ZBTB44: variants seen among roughly 807,000 people sequenced by gnomAD.
ZBTB44 encodes zinc finger and BTB domain-containing protein 44.
In ZBTB44, 15 loss-of-function variants were observed where a neutral mutation model predicts 54.0. The observed-to-expected ratio is 0.28, with a 90% CI of 0.19 to 0.43. The LOEUF is 0.43. Ranked by LOEUF, ZBTB44 falls within the 20% of genes least tolerant of loss-of-function variation. The pLI is 1.00. For missense variants in ZBTB44, 487 were observed against 707.1 expected (o/e 0.69, Z 3.53); for synonymous variants, 230 against 250.1 (o/e 0.92, Z 0.76).
intron 1 of ZBTB44, chr11:130,295,636 A>AG: frequency 2.0e-6 from 2 of 1,019,616 alleles, no homozygotes; most frequent in South Asian, 2.8e-5. Flanking sequence ...AAGTTAAAAA[A>AG]AAAAATGGGT....
chr11:130,256,833 G>C (rs1013859873), intron 2 of ZBTB44, among the ~76,000 whole-genome samples: 1 of 151,792 alleles, frequency 6.6e-6, no homozygotes, highest in African/African-American at 2.4e-5. Flanking sequence ...TTTGAAAACC[G>C]GCACAAGACA....
At chr11:130,285,290 CTTT>C (rs1217111966) in intron 1 of ZBTB44, 9 of 122,994 alleles carry the variant, frequency 7.3e-5, no homozygotes, top group South Asian at 2.8e-4. Context: ...TTCTTGTTTT[CTTT>C]TTTTTTTTTT....
chr11:130,240,347 A>T (rs537738941), intron 2 of ZBTB44, among the ~76,000 whole-genome samples: 1 of 152,058 alleles, frequency 6.6e-6, no homozygotes, highest in Non-Finnish European at 1.5e-5. Flanking sequence ...GCCGTGTTCT[A>T]TATTTTTAAA....
chr11:130,295,630 T>TC (rs1555176450), intron 1 of ZBTB44: 26 of 769,442 alleles, frequency 3.4e-5, no homozygotes, highest in Non-Finnish European at 3.2e-5. Context: ...ACTCTGAAGT[T>TC]AAAAAAAAAA....
chr11:130,307,308 C>A lies in ZBTB44; in HGVS notation c.-57+7067G>T, dbSNP rs938335881. ...GGCATGGTGGCAGGCACCTGTAGTC[C>A]CAGCTGCTTGGGAGGCTGAGGCAGG... On this transcript the variant is annotated intron_variant, in intron 1 of 7. Transcript: ENST00000357899. Among the ~76,000 whole-genome samples, 24 of 151,978 alleles carry A rather than the reference C, an allele frequency of 1.6e-4. 1 individual carries two copies. The highest frequency in any genetic ancestry group is 1.4e-3 in the Admixed American group (21 of 15,260).
In ZBTB44 at chr11:130,269,696, A is replaced by G. The variant is rs1314262338; in HGVS notation, c.-56-7767T>C. The stretch of plus-strand genomic sequence containing the variant: ...TTGATAAAGTAGATTGGTTTAAGTT[A>G]GACAAATCTTAGGTTTTAAATTTTC... On this transcript the variant is annotated intron_variant, in intron 1 of 7. Transcript: ENST00000357899. Among the ~76,000 whole-genome samples, 3 of 152,204 alleles carry G rather than the reference A, an allele frequency of 2.0e-5. No individual in the cohort carries two copies. The East Asian group carries it at 5.8e-4, about 29-fold the overall frequency.
intron 1 of ZBTB44, among the ~76,000 whole-genome samples, chr11:130,295,476 C>A (rs1941585140): frequency 1.3e-5 from 2 of 152,006 alleles, no homozygotes; most frequent in Non-Finnish European, 2.9e-5. Flanking sequence ...GAAGAAAGTG[C>A]CGAGACTCCT....
chr11:130,262,000 T>C lies in ZBTB44; in HGVS notation c.-56-71A>G. On this transcript the variant is annotated intron_variant, in intron 1 of 7. Transcript: ENST00000357899. The surrounding 1 kb of genome is among the most constrained non-coding windows in gnomAD (Gnocchi z 4.8). ...TAAAATGTGATTTAGATCATTTTCATGTGGCCACTGTACTAAATTAAAAAG... is the reference window on the plus strand; with the variant it reads ...TAAAATGTGATTTAGATCATTTTCACGTGGCCACTGTACTAAATTAAAAAG... 3 of 1,108,996 alleles carry C rather than the reference T, an allele frequency of 2.7e-6. No homozygotes were observed. Among genetic ancestry groups the C allele is most frequent in the Non-Finnish European group, 2.5e-6 (2 of 804,782 alleles). The allele number at this position is 1,108,996 out of a possible 1,614,324, so 68.7% of individuals were successfully genotyped here.
chr11:130,235,325 G>A (rs1954062038), intron 5 of ZBTB44, among the ~76,000 whole-genome samples: 1 of 152,146 alleles, frequency 6.6e-6, no homozygotes, highest in South Asian at 2.1e-4. Context: ...GATAACATGA[G>A]TAGTTAACAG....
chr11:130,268,244 G>A (rs1363883781), intron 1 of ZBTB44, among the ~76,000 whole-genome samples: 1 of 148,406 alleles, frequency 6.7e-6, no homozygotes, highest in South Asian at 2.1e-4. Context: ...AAAGCGGGGG[G>A]TGGAGTGGGG....
At chr11:130,275,242 G>C (rs78202037) in intron 1 of ZBTB44, among the ~76,000 whole-genome samples, 1 of 152,148 alleles carries the variant, frequency 6.6e-6, no homozygotes, top group African/African-American at 2.4e-5. Context: ...ATAAGCATCT[G>C]TAACTATAAA....
At chr11:130,311,530 A>C (rs997761254) in intron 1 of ZBTB44, among the ~76,000 whole-genome samples, 4 of 152,164 alleles carry the variant, frequency 2.6e-5, no homozygotes, top group Non-Finnish European at 5.9e-5. Context: ...TGTATTAAAA[A>C]CCAAGATTTT....
intron 1 of ZBTB44, among the ~76,000 whole-genome samples, chr11:130,263,271 A>C (rs561236020): frequency 1.3e-5 from 2 of 152,312 alleles, no homozygotes; most frequent in Admixed American, 1.3e-4. Context: ...AAGTCAACTG[A>C]CCACAATGAG....
At chr11:130,286,011 C>T (rs2134316315) in intron 1 of ZBTB44, among the ~76,000 whole-genome samples, 1 of 152,324 alleles carries the variant, frequency 6.6e-6, no homozygotes, top group South Asian at 2.1e-4. Context: ...ACTTCTAAAA[C>T]TCATATTCGA....
intron 5 of ZBTB44, chr11:130,236,587 T>C: frequency 2.2e-6 from 1 of 453,962 alleles, no homozygotes; most frequent in Non-Finnish European, 3.6e-6. Context: ...TAATACCAAC[T>C]ATAAAATGTT....
intron 2 of ZBTB44, among the ~76,000 whole-genome samples, chr11:130,258,225 G>A: frequency 6.6e-6 from 1 of 152,136 alleles, no homozygotes; most frequent in Non-Finnish European, 1.5e-5. Context: ...AGAATCAATG[G>A]AATATAATAA....
Position 130,290,417 on chromosome 11 carries a change from C to T in ZBTB44, c.-57+23958G>A, listed in dbSNP as rs555104877. Among the ~76,000 whole-genome samples, 4 of 152,310 alleles carry T rather than the reference C, an allele frequency of 2.6e-5. No homozygotes were observed. The South Asian group carries it at 8.3e-4, about 32-fold the overall frequency. On this transcript the variant is annotated intron_variant, in intron 1 of 7. Transcript: ENST00000357899. ...TTGTGATAATTAATTACAACAGCCA[C>T]AGAAAACTAATACAATTTCTCTTCC...
At chr11:130,289,159 T>C (rs1038193386) in intron 1 of ZBTB44, among the ~76,000 whole-genome samples, 1 of 152,006 alleles carries the variant, frequency 6.6e-6, no homozygotes, top group African/African-American at 2.4e-5. Flanking sequence ...CAGGGGTCCC[T>C]TACCTGAACA....
chr11:130,229,189 T>C lies in ZBTB44; in HGVS notation c.*2575A>G, dbSNP rs779647959. 13 of 152,012 alleles carry C rather than the reference T, an allele frequency of 8.6e-5. No homozygotes were observed. The highest frequency in any genetic ancestry group is 1.6e-4 in the Non-Finnish European group (11 of 67,972). The allele number at this position is 152,012 out of a possible 1,614,324, so 9.4% of individuals were successfully genotyped here. A position where few individuals can be genotyped will look rare whatever the true frequency, so the allele number is the denominator to read the frequency against. ...TTTGCAGAGACTATTTATAAAAACA[T>C]GGAAGTGTTTTTATTTTCCCATCAT... is the stretch of plus-strand genomic sequence containing the variant. On this transcript the variant is annotated 3_prime_UTR_variant, in exon 8 of 8. Coordinates refer to ENST00000357899, the MANE Select transcript of ZBTB44 (RefSeq NM_001301098.2).
Sources: allele counts gnomAD v4.1 joint callset (sites outside exome capture counted in the v4.1 genomes callset), GRCh38; gene constraint gnomAD v4.1.1; non-coding constraint Gnocchi (gnomAD v3.1); transcripts MANE v1.5; gene names NCBI Gene and HGNC (gene_info 2026-07-23, HGNC 2026-07-21).